The following EHD1 variants were observed in gnomAD, a reference collection of about 807,000 sequenced individuals.
EHD1 encodes EH domain containing 1.
A neutral mutation model predicts 39.0 loss-of-function variants in EHD1; 19 were observed. The ratio of observed to expected loss-of-function variants is 0.49; its 90% CI spans 0.34 to 0.72. EHD1 has a LOEUF of 0.72. Among genes scored for constraint, EHD1 ranks in the 30% least tolerant of loss-of-function variants. The pLI is 0.01. For synonymous variants in EHD1, 323 were observed against 331.2 expected (o/e 0.98, Z 0.27); for missense variants, 542 against 751.5 (o/e 0.72, Z 3.26).
chr11:64,875,949 C>T (rs1218045706), intron 1 of EHD1, among the ~76,000 whole-genome samples: 2 of 152,192 alleles, frequency 1.3e-5, no homozygotes, highest in African/African-American at 4.8e-5. Flanking sequence ...ATAAAAATGC[C>T]TCATAAATGA....
chr11:64,873,927 T>C (rs1943857173), intron 2 of EHD1, among the ~76,000 whole-genome samples: 2 of 151,120 alleles, frequency 1.3e-5, no homozygotes, highest in African/African-American at 4.9e-5. Context: ...TCCGCCCACC[T>C]CGGCCTCCCA....
Position 64,854,281 on chromosome 11 carries a change from G to C in EHD1, c.*52C>G, listed in dbSNP as rs534163322. The C allele has an allele frequency of 3.9e-6, 6 of 1,538,838 alleles. No homozygotes were observed. Among genetic ancestry groups the C allele is most frequent in the Non-Finnish European group, 5.2e-6 (6 of 1,145,410 alleles). On this transcript the variant is annotated 3_prime_UTR_variant, in exon 5 of 5. Coordinates refer to ENST00000320631, the MANE Select transcript of EHD1 (RefSeq NM_006795.4). ...AAATGGTGAGGCTTCCCCTCCCCCC[G>C]TCTCTGCCTCCCGGCCGGGCGTGCA...
intron 2 of EHD1, among the ~76,000 whole-genome samples, chr11:64,865,446 C>T (rs1943757932): frequency 6.6e-6 from 1 of 152,250 alleles, no homozygotes; most frequent in African/African-American, 2.4e-5. Context: ...CAGGCTTTGG[C>T]ACCCACCAAG....
chr11:64,877,153 G>A (rs1429452847), intron 1 of EHD1, among the ~76,000 whole-genome samples: 1 of 152,228 alleles, frequency 6.6e-6, no homozygotes, highest in Non-Finnish European at 1.5e-5. Flanking sequence ...ACTTTGGTAT[G>A]TCGCCTGGGG....
At chr11:64,855,822 G>A in intron 3 of EHD1, 1 of 336,264 alleles carries the variant, frequency 3.0e-6, no homozygotes, top group Non-Finnish European at 5.7e-6. Context: ...AAGGCAATTT[G>A]TCGTGTACCA....
chr11:64,855,348 C>A lies in EHD1; in HGVS notation c.1054G>T (p.Asp352Tyr). 1.2e-6 allele frequency: 2 copies of A among 1,614,054 alleles called. No individual in the cohort carries two copies. The highest frequency in any genetic ancestry group is 1.7e-6 in the Non-Finnish European group (2 of 1,180,000). The change falls in exon 4 of 5, where the codon GAC becomes TAC. Residue 352 changes from aspartate to tyrosine, a missense_variant. Transcript: ENST00000320631. Reference sequence around the variant, plus strand: ...TGCATCTTGCGGAGGCTCGGGAAGTCCCCAGGGGAGATCTGGTGCTCGCGC... The same window carrying A: ...TGCATCTTGCGGAGGCTCGGGAAGTACCCAGGGGAGATCTGGTGCTCGCGC... Reference protein sequence around the residue: ...IEREHQISPGDFPSLRKMQEL... With the variant: ...IEREHQISPGYFPSLRKMQEL...
rs1943627520 is a variant in EHD1 at position 64,854,687 on chromosome 11, G to A, written c.1251C>T (p.Thr417=). The A allele has an allele frequency of 1.2e-6, 2 of 1,613,756 alleles. No individual in the cohort carries two copies. The highest frequency in any genetic ancestry group is 1.7e-6 in the Non-Finnish European group (2 of 1,179,982). Residue 417 remains threonine, a synonymous_variant, in exon 5 of 5, where the codon ACC becomes ACT. Coordinates refer to ENST00000320631, the MANE Select transcript of EHD1 (RefSeq NM_006795.4). ...AGCCGTGCCCGAACGGCCCGTTCAT[G>A]GTGCCGTCAAAGGCGCCGCCCTTGA... ...QVVKGGAFDG[T]MNGPFGHGYG...
chr11:64,855,115 C>G lies in EHD1; in HGVS notation c.1080+207G>C. The G allele has an allele frequency of 6.5e-6, 6 of 923,612 alleles. No individual in the cohort carries two copies. In the South Asian group the frequency reaches 1.1e-4, roughly 16 times the overall value. 57.2% of individuals were successfully genotyped at this position (923,612 alleles called of 1,614,324 possible). ...TGGCATGGCCCTGCCCTCCCCCCAC[C>G]ACGCAGGGTGAGTCACCACATTCCC... On this transcript the variant is annotated intron_variant, in intron 4 of 4. Coordinates refer to ENST00000320631, the MANE Select transcript of EHD1 (RefSeq NM_006795.4).
At chr11:64,879,553 T>C, upstream of EHD1, 1 of 1,547,434 alleles carries the variant, frequency 6.5e-7, no homozygotes. Flanking sequence ...TCCACTTTCC[T>C]CTCGGGGTCA....
chr11:64,861,357 AGAG>A (rs1943714473), intron 2 of EHD1, among the ~76,000 whole-genome samples: 1 of 152,222 alleles, frequency 6.6e-6, no homozygotes, highest in Non-Finnish European at 1.5e-5. Flanking sequence ...AAGGTGGGTC[AGAG>A]GAGGGCGAGA....
At chr11:64,855,824 CGT>C in intron 3 of EHD1, 4 of 333,808 alleles carry the variant, frequency 1.2e-5, no homozygotes, top group Non-Finnish European at 2.3e-5. Flanking sequence ...GGCAATTTGT[CGT>C]GTACCACTGG....
At chr11:64,874,321 A>G (rs1043677677) in intron 2 of EHD1, 100 bp downstream of exon 2, 6 of 997,392 alleles carry the variant, frequency 6.0e-6, no homozygotes, top group East Asian at 2.9e-5. Context: ...AAAAAAAAAA[A>G]GGAGAAATCT....
chr11:64,859,144 G>T lies in EHD1; in HGVS notation c.915+780C>A, dbSNP rs147143940. ...TAACTGATGTTTATTTTTTGTTTGC[G>T]TGCTCTGCTTTCCCCATGAAGGCTG... On this transcript the variant is annotated intron_variant, in intron 3 of 4. Coordinates refer to ENST00000320631, the MANE Select transcript of EHD1 (RefSeq NM_006795.4). 5.8e-3 allele frequency among the ~76,000 whole-genome samples: 888 copies of T among 152,230 alleles called. 10 individuals carry two copies. Among genetic ancestry groups the T allele is most frequent in the African/African-American group, 0.02 (838 of 41,538 alleles).
Position 64,854,383 on chromosome 11 carries a change from C to T in EHD1, c.1555G>A (p.Ala519Thr), listed in dbSNP as rs201518487. 6.8e-6 allele frequency: 11 copies of T among 1,613,320 alleles called. No homozygotes were observed. The highest frequency in any genetic ancestry group is 2.2e-5 in the South Asian group (2 of 91,056). Residue 519 changes from alanine (A) to threonine (T), a missense_variant, in exon 5 of 5, where the codon GCC becomes ACC. Physicochemically the swap from Ala to Thr is moderately conservative, Grantham distance 58. Transcript: ENST00000320631. ...KVKLEGHELP[A>T]DLPPHLVPPS... is the part of the protein sequence containing the mutation. ...GGCACCAGGTGCGGGGGCAGGTCGG[C>T]GGGCAGCTCGTGGCCCTCCAGCTTG... is the stretch of plus-strand genomic sequence containing the variant.
intron 2 of EHD1, among the ~76,000 whole-genome samples, chr11:64,864,024 G>C (rs1000428484): frequency 7.9e-5 from 12 of 152,228 alleles, no homozygotes; most frequent in Non-Finnish European, 1.6e-4. Context: ...TTTCATCCTT[G>C]AGCAAAGTCA....
intron 1 of EHD1, 115 bp from the exon 2 acceptor site, chr11:64,874,633 C>G (rs976186211): frequency 4.9e-6 from 4 of 813,086 alleles, no homozygotes; most frequent in South Asian, 2.3e-5. Context: ...TCTCCAGCAG[C>G]GGGGAACTGA....
In EHD1 at chr11:64,854,699, G is replaced by A. The variant is rs1334876008; in HGVS notation, c.1239C>T (p.Ala413=). The part of the protein sequence containing the change: ...LMPSQVVKGG[A]FDGTMNGPFG... ...ACGGCCCGTTCATGGTGCCGTCAAA[G>A]GCGCCGCCCTTGACCACCTGGGAAG... Residue 413 remains alanine (A), a synonymous_variant, in exon 5 of 5, where the codon GCC becomes GCT. Coordinates refer to ENST00000320631, the MANE Select transcript of EHD1 (RefSeq NM_006795.4). The A allele has an allele frequency of 1.2e-6, 2 of 1,613,474 alleles. No homozygotes were observed. The highest frequency in any genetic ancestry group is 2.2e-5 in the East Asian group (1 of 44,870).
At chr11:64,869,864 C>T (rs915719661) in intron 2 of EHD1, among the ~76,000 whole-genome samples, 2 of 152,192 alleles carry the variant, frequency 1.3e-5, no homozygotes, top group African/African-American at 4.8e-5. Flanking sequence ...CAGGAGGTGT[C>T]GGCAGGAAGT....
intron 3 of EHD1, among the ~76,000 whole-genome samples, chr11:64,858,275 G>A (rs1315389897): frequency 6.7e-6 from 1 of 150,278 alleles, no homozygotes; most frequent in Non-Finnish European, 1.5e-5. Flanking sequence ...TCTCCCTCCT[G>A]GGTTCAAGTG....
Sources: allele counts gnomAD v4.1 joint callset (sites outside exome capture counted in the v4.1 genomes callset), GRCh38; gene constraint gnomAD v4.1.1; transcripts MANE v1.5; gene names NCBI Gene and HGNC (gene_info 2026-07-23, HGNC 2026-07-21).